The following TCF12 variants were observed in gnomAD, a reference collection of about 807,000 sequenced individuals.
TCF12 encodes the protein DNA-binding protein HTF4.
A neutral mutation model predicts 86.0 loss-of-function variants in TCF12; 45 were observed. That is an observed-to-expected ratio of 0.52 (90% CI 0.41 to 0.67). TCF12 has a LOEUF of 0.67. Among genes scored for constraint, TCF12 ranks in the 30% least tolerant of loss-of-function variants. The pLI, the probability that TCF12 is intolerant of heterozygous loss-of-function variation, is 0.00. For missense variants in TCF12, 881 were observed against 859.9 expected, an observed-to-expected ratio of 1.02 and a Z score of -0.31; for synonymous variants, 330 against 299.6, an observed-to-expected ratio of 1.10 and a Z score of -1.05.
intron 5 of TCF12, among the ~76,000 whole-genome samples, chr15:57,092,453 C>T (rs2049052513): frequency 6.6e-6 from 1 of 152,160 alleles, no homozygotes; most frequent in Non-Finnish European, 1.5e-5. Flanking sequence ...ACCATCTAAA[C>T]TTGATTTTTA....
intron 6 of TCF12, among the ~76,000 whole-genome samples, chr15:57,174,575 T>C (rs930106418): frequency 1.4e-4 from 22 of 152,148 alleles, no homozygotes; most frequent in Admixed American, 1.4e-3. Context: ...GTTATAGAAA[T>C]TGAAAAGGAG....
chr15:57,232,293 G>T lies in TCF12; in HGVS notation c.688G>T (p.Gly230Trp). Reference sequence around the variant, plus strand: ...TTATATTTCTCTTTTTGTCTTAGATGGGACCCACAATTCTTCTGACCTTTG... The same window carrying T: ...TTATATTTCTCTTTTTGTCTTAGATTGGACCCACAATTCTTCTGACCTTTG... ...MFASTFFMQD[G>W]THNSSDLWSS... The change falls in exon 10 of 21, where the codon GGG becomes TGG. Residue 230 changes from glycine (G) to tryptophan (W), a missense_variant and splice_region_variant. Gly to Trp is a radical substitution (Grantham distance 184). Coordinates refer to ENST00000333725, the MANE Select transcript of TCF12 (RefSeq NM_207037.2). 6.2e-7 allele frequency: 1 copy of T among 1,613,700 alleles called. No homozygotes were observed. Among genetic ancestry groups the T allele is most frequent in the East Asian group, 2.2e-5 (1 of 44,854 alleles).
chr15:57,273,038 A>G lies in TCF12; in HGVS notation c.1754A>G (p.Asn585Ser). 1 of 1,614,138 alleles carries G rather than the reference A, an allele frequency of 6.2e-7. No homozygotes were observed. Among genetic ancestry groups the G allele is most frequent in the Non-Finnish European group, 8.5e-7 (1 of 1,179,980 alleles). Residue 585 changes from asparagine to serine, a missense_variant, in exon 19 of 21, where the codon AAT becomes AGT. Transcript: ENST00000333725. ...GTTACTTTATTTTCTAGCAGTACTA[A>G]TGAAGATGAGGATTTGAACCCTGAA... ...VSSRGRTSST[N>S]EDEDLNPEQK... is the part of the protein sequence containing the mutation.
At chr15:57,020,677 C>T (rs1259237906) in intron 3 of TCF12, among the ~76,000 whole-genome samples, 1 of 152,092 alleles carries the variant, frequency 6.6e-6, no homozygotes, top group South Asian at 2.1e-4. Context: ...ACGAAATAAA[C>T]ATATATTGTT....
intron 7 of TCF12, among the ~76,000 whole-genome samples, chr15:57,193,208 A>T (rs1597210009): frequency 6.6e-6 from 1 of 152,292 alleles, no homozygotes; most frequent in African/African-American, 2.4e-5. Flanking sequence ...AAGATTTTCT[A>T]ACTCCAGGTT....
chr15:56,938,809 G>A (rs1234541213), intron 3 of TCF12, among the ~76,000 whole-genome samples: 1 of 152,042 alleles, frequency 6.6e-6, no homozygotes, highest in African/African-American at 2.4e-5. Flanking sequence ...TTCCACATAT[G>A]AATTTTGAGA....
intron 18 of TCF12, among the ~76,000 whole-genome samples, chr15:57,271,393 G>C (rs770732180): frequency 3.3e-5 from 5 of 152,234 alleles, no homozygotes; most frequent in Admixed American, 2.0e-4. Context: ...GACCCACCAG[G>C]CCAGGCACGG....
At chr15:57,273,662 G>A (rs1279666612) in intron 19 of TCF12, among the ~76,000 whole-genome samples, 1 of 151,942 alleles carries the variant, frequency 6.6e-6, no homozygotes, top group Non-Finnish European at 1.5e-5. Context: ...GCTCTACTTT[G>A]GAGTATCTAC....
In TCF12 at chr15:57,081,527, T is replaced by C. The variant is rs558995281; in HGVS notation, c.223-10262T>C. ...CAAATGTATGCTCATGCTATTATTA[T>C]TTTTATTATAGTAGTAGTTATTACT... On this transcript the variant is annotated intron_variant, in intron 4 of 20. Coordinates refer to ENST00000333725, the MANE Select transcript of TCF12 (RefSeq NM_207037.2). Among the ~76,000 whole-genome samples the C allele has an allele frequency of 1.1e-4, 17 of 152,274 alleles. No homozygotes were observed. In the South Asian group the frequency reaches 3.5e-3, roughly 32 times the overall value.
rs1431687049 is a variant in TCF12 at position 57,289,084 on chromosome 15, G to T, written c.*2939G>T. 1 of 152,174 alleles carries T rather than the reference G, an allele frequency of 6.6e-6. No homozygotes were observed. Among genetic ancestry groups the T allele is most frequent in the East Asian group, 1.9e-4 (1 of 5,170 alleles). The allele number at this position is 152,174 out of a possible 1,614,324, so 9.4% of individuals were successfully genotyped here. A position where few individuals can be genotyped will look rare whatever the true frequency, so the allele number is the denominator to read the frequency against. ...CTAGACAAACTTTTTTTTTGACAGT[G>T]AATGACTTTTTGTAGGACCTGTGCG... On this transcript the variant is annotated 3_prime_UTR_variant, in exon 21 of 21. Transcript: ENST00000333725.
chr15:57,206,834 A>G (rs905514679), intron 8 of TCF12, among the ~76,000 whole-genome samples: 6 of 150,536 alleles, frequency 4.0e-5, no homozygotes, highest in Non-Finnish European at 8.9e-5. Context: ...GCTGGGCCAT[A>G]GTGCCCAGCA....
At chr15:56,982,642 C>T (rs181463546) in intron 3 of TCF12, among the ~76,000 whole-genome samples, 2 of 152,206 alleles carry the variant, frequency 1.3e-5, no homozygotes, top group African/African-American at 4.8e-5. Flanking sequence ...AAATTTGTAC[C>T]TTGATTCTGT....
intron 14 of TCF12, 158 bp from the exon 15 acceptor site, chr15:57,252,263 A>G (rs1193751351): frequency 5.3e-6 from 3 of 563,600 alleles, no homozygotes; most frequent in Non-Finnish European, 9.4e-6. Flanking sequence ...TCCCTGTTGA[A>G]TCCCAGCCTT....
intron 3 of TCF12, among the ~76,000 whole-genome samples, chr15:56,950,949 T>C (rs1483097190): frequency 6.6e-6 from 1 of 151,368 alleles, no homozygotes; most frequent in Non-Finnish European, 1.5e-5. Context: ...AGAGATGGGG[T>C]TTCTCTATGT....
chr15:57,095,502 C>G (rs1330630494), intron 5 of TCF12, among the ~76,000 whole-genome samples: 3 of 152,152 alleles, frequency 2.0e-5, no homozygotes, highest in African/African-American at 7.2e-5. Flanking sequence ...TTTTTAATCC[C>G]TCCATGTTTA....
rs576468331 is a variant in TCF12, at chr15:57,165,426, C to A, written c.326-976C>A. On this transcript the variant is annotated intron_variant, in intron 5 of 20. Transcript: ENST00000333725. Reference sequence around the variant, plus strand: ...AATGCAAACAGTAATGTATATTGTTCGAGAACATGAATATATATTTAAGAG... The same window carrying A: ...AATGCAAACAGTAATGTATATTGTTAGAGAACATGAATATATATTTAAGAG... Among the ~76,000 whole-genome samples the A allele has an allele frequency of 2.6e-5, 4 of 151,904 alleles. No individual in the cohort carries two copies. In the South Asian group the frequency reaches 8.3e-4, roughly 32 times the overall value.
In TCF12 at chr15:56,974,117, T is replaced by C. The variant is rs111576607; in HGVS notation, c.148+53019T>C. On this transcript the variant is annotated intron_variant, in intron 3 of 20. Coordinates refer to ENST00000333725, the MANE Select transcript of TCF12 (RefSeq NM_207037.2). ...ATTGGTAAAATCTCAATAAGGCCTG[T>C]ATATTAAATGGTAGTATTGTTTTGG... Among the ~76,000 whole-genome samples, 18 of 152,248 alleles carry C rather than the reference T, an allele frequency of 1.2e-4. 1 individual carries two copies. The highest frequency in any genetic ancestry group is 4.3e-4 in the African/African-American group (18 of 41,578).
intron 8 of TCF12, among the ~76,000 whole-genome samples, chr15:57,214,839 T>C (rs2058267436): frequency 6.6e-6 from 1 of 152,008 alleles, no homozygotes; most frequent in African/African-American, 2.4e-5. Context: ...AAAAATCAAG[T>C]CTTTGATTTT....
At chr15:57,123,968 C>CA (rs71113066) in intron 5 of TCF12, among the ~76,000 whole-genome samples, 65 of 81,078 alleles carry the variant, frequency 8.0e-4, no homozygotes, top group South Asian at 1.7e-3. Flanking sequence ...GACTCCGTCT[C>CA]AAAAAAAAAA....
Sources: gnomAD v4.1 joint callset for allele counts (sites outside exome capture counted in the v4.1 genomes callset) on GRCh38, gnomAD v4.1.1 for gene constraint, MANE v1.5 for transcripts, NCBI Gene and HGNC (gene_info 2026-07-23, HGNC 2026-07-21) for gene names.